HJURP: variants seen among roughly 807,000 people sequenced by gnomAD.
HJURP encodes 14-3-3-associated AKT substrate.
In HJURP, 49 loss-of-function variants were observed where a neutral mutation model predicts 72.0. That is an observed-to-expected ratio of 0.68 (90% CI 0.54 to 0.86). HJURP has a LOEUF of 0.86. Among genes scored for constraint, HJURP ranks in the 40% least tolerant of loss-of-function variants. The probability of loss-of-function intolerance (pLI) is 0.00; values close to 1 mark genes in which losing one functional copy is unlikely to be tolerated. For synonymous variants in HJURP, 357 were observed against 347.1 expected (o/e 1.03, Z -0.32); for missense variants, 908 against 936.3 (o/e 0.97, Z 0.39).
chr2:233,839,857 A>C (rs922344008), intron 8 of HJURP, among the ~76,000 whole-genome samples: 7 of 152,280 alleles, frequency 4.6e-5, no homozygotes, highest in Non-Finnish European at 8.8e-5. Context: ...GAACCGGCCA[A>C]ATCAAACCCA....
intron 7 of HJURP, 59 bp downstream of exon 7, chr2:233,844,146 A>T: frequency 1.1e-5 from 15 of 1,412,160 alleles, no homozygotes; most frequent in Non-Finnish European, 1.5e-5. Context: ...GGGGCCACGC[A>T]GCTCCAACAA....
In HJURP at chr2:233,847,458, G is replaced by C. The variant is rs1228430010; in HGVS notation, c.341C>G (p.Ser114Ter). Reference sequence around the variant, plus strand: ...CGTGGCATCGACCTCACCGCTTTTTGAATCTAAAAGTCAAACAAGTAAATC... The same window carrying C: ...CGTGGCATCGACCTCACCGCTTTTTCAATCTAAAAGTCAAACAAGTAAATC... Reference protein sequence around the residue: ...PSHRTVLGADSKSGEVDATSD... With the variant: ...PSHRTVLGAD The change falls in exon 5 of 9, where the codon TCA (serine) becomes TGA (stop). Residue 114 changes from serine to a stop codon, truncating the protein, a stop_gained. Coordinates refer to ENST00000411486, the MANE Select transcript of HJURP (RefSeq NM_018410.5). LOFTEE classifies it high-confidence loss of function. The C allele has an allele frequency of 1.9e-6, 3 of 1,613,534 alleles. No homozygotes were observed. The highest frequency in any genetic ancestry group is 3.3e-5 in the Admixed American group (2 of 60,026).
At chr2:233,838,856 C>G (rs988389866) in intron 8 of HJURP, among the ~76,000 whole-genome samples, 6 of 152,208 alleles carry the variant, frequency 3.9e-5, no homozygotes, top group African/African-American at 1.4e-4. Flanking sequence ...CTGAAAGTCA[C>G]CCGGCTGGTG....
At chr2:233,844,181 A>T (rs778067616) in intron 7 of HJURP, 24 bp downstream of exon 7, 11 of 1,607,326 alleles carry the variant, frequency 6.8e-6, no homozygotes, top group Non-Finnish European at 8.5e-6. Context: ...CGCACTGTTC[A>T]TACAGTTTCT....
chr2:233,842,261 G>A, intron 7 of HJURP, 56 bp from the exon 8 acceptor site: 22 of 1,420,222 alleles, frequency 1.5e-5, no homozygotes, highest in East Asian at 2.3e-5. Flanking sequence ...AACCATCCAT[G>A]TGCACAGATG....
chr2:233,848,192 G>C (rs926151381), intron 4 of HJURP, among the ~76,000 whole-genome samples: 1 of 152,054 alleles, frequency 6.6e-6, no homozygotes, highest in Non-Finnish European at 1.5e-5. Context: ...CAGAGGCTGC[G>C]GAAGGCCAGT....
chr2:233,847,674 G>A (rs1349940009), intron 4 of HJURP, among the ~76,000 whole-genome samples: 1 of 152,176 alleles, frequency 6.6e-6, no homozygotes, highest in Non-Finnish European at 1.5e-5. Context: ...CATGGAGTGA[G>A]GAAAGGCAGA....
intron 2 of HJURP, 21 bp downstream of exon 2, chr2:233,853,823 G>A: frequency 2.5e-6 from 4 of 1,601,374 alleles, no homozygotes; most frequent in Non-Finnish European, 3.4e-6. Flanking sequence ...CGAATACTCA[G>A]AAGGTGGGGA....
Position 233,837,319 on chromosome 2 carries a change from A to ACC in HJURP, c.*256_*257dup, listed in dbSNP as rs1405223769. On this transcript the variant is annotated 3_prime_UTR_variant, in exon 9 of 9. Transcript: ENST00000411486. ...AAACAAACAAACAAACAAACAAATA[A>ACC]CCCCCCCCCAAAAAAAACACACACA... The ACC allele has an allele frequency of 1.1e-3, 314 of 276,590 alleles. No individual in the cohort carries two copies. Among genetic ancestry groups the ACC allele is most frequent in the African/African-American group, 7.4e-3 (272 of 36,564 alleles). The allele number at this position is 276,590 out of a possible 1,614,324, so 17.1% of individuals were successfully genotyped here. A position where few individuals can be genotyped will look rare whatever the true frequency, so the allele number is the denominator to read the frequency against.
At chr2:233,850,666 A>C (rs1705476083) in intron 3 of HJURP, among the ~76,000 whole-genome samples, 1 of 152,242 alleles carries the variant, frequency 6.6e-6, no homozygotes, top group Non-Finnish European at 1.5e-5. Context: ...GGAGCACTAC[A>C]GGGTAACTGA....
intron 2 of HJURP, 148 bp downstream of exon 2, chr2:233,853,696 A>T: frequency 1.7e-6 from 1 of 587,922 alleles, no homozygotes; most frequent in South Asian, 2.9e-5. Flanking sequence ...TAAGTAATTC[A>T]AGTAATTTAC....
intron 1 of HJURP, 43 bp downstream of exon 1, chr2:233,854,341 G>C: frequency 2.1e-6 from 3 of 1,426,792 alleles, no homozygotes; most frequent in Non-Finnish European, 2.9e-6. Flanking sequence ...GCCTCACTCC[G>C]ACACGCAGGC....
At chr2:233,844,637 T>A (rs1274752867) in intron 6 of HJURP, among the ~76,000 whole-genome samples, 3 of 152,158 alleles carry the variant, frequency 2.0e-5, no homozygotes, top group Admixed American at 2.0e-4. Context: ...ACCCAGTAGA[T>A]CCGTTCGTTC....
chr2:233,847,995 G>A lies in HJURP; in HGVS notation c.338-534C>T, dbSNP rs78712204. Among the ~76,000 whole-genome samples, 893 of 152,232 alleles carry A rather than the reference G, an allele frequency of 5.9e-3. 4 individuals are homozygous for A. The highest frequency in any genetic ancestry group is 9.6e-3 in the Non-Finnish European group (654 of 68,014). On this transcript the variant is annotated intron_variant, in intron 4 of 8. Coordinates refer to ENST00000411486, the MANE Select transcript of HJURP (RefSeq NM_018410.5). The stretch of plus-strand genomic sequence containing the variant: ...TTTCAAGCGGTTGGGGAAATTCATG[G>A]ACCTAAGGATTTATAGTTAAAATCT...
chr2:233,851,578 T>A (rs962371858), intron 3 of HJURP, among the ~76,000 whole-genome samples: 9 of 152,242 alleles, frequency 5.9e-5, no homozygotes, highest in East Asian at 3.9e-4. Flanking sequence ...CATGATTTTT[T>A]AAATAATTAT....
chr2:233,852,699 CA>C, intron 2 of HJURP, 79 bp from the exon 3 acceptor site: 1 of 1,040,482 alleles, frequency 9.6e-7, no homozygotes, highest in Admixed American at 1.9e-5. Context: ...CACCAGATGC[CA>C]AAGTGACAGG....
intron 7 of HJURP, among the ~76,000 whole-genome samples, chr2:233,843,119 G>A (rs1021539380): frequency 6.6e-6 from 1 of 152,098 alleles, no homozygotes; most frequent in South Asian, 2.1e-4. Context: ...AGCATGAGAG[G>A]GAACTACAGG....
At position 233,841,574 on chromosome 2, in the gene HJURP, A is replaced by G. The variant is rs558992873; in HGVS notation, c.1206T>C (p.Asn402=). 3.5e-5 allele frequency: 57 copies of G among 1,614,060 alleles called. No homozygotes were observed. In the South Asian group the frequency reaches 5.8e-4, roughly 16 times the overall value. Residue 402 remains asparagine (N), a synonymous_variant, in exon 8 of 9, where the codon AAT becomes AAC. Coordinates refer to ENST00000411486, the MANE Select transcript of HJURP (RefSeq NM_018410.5). The stretch of plus-strand genomic sequence containing the variant: ...TTAACCATTTTAATGTCCTAAATCT[A>G]TTTTCCTCATCAAGATTATATGTTG... ...SSATYNLDEE[N]RFRTLKWLIS...
chr2:233,839,267 C>T (rs980224051), intron 8 of HJURP, among the ~76,000 whole-genome samples: 3 of 152,248 alleles, frequency 2.0e-5, no homozygotes, highest in African/African-American at 7.2e-5. Context: ...CTCCCCACTG[C>T]AGCACCCACC....
Sources: gnomAD v4.1 joint callset for allele counts (sites outside exome capture counted in the v4.1 genomes callset) on GRCh38, gnomAD v4.1.1 for gene constraint, MANE v1.5 for transcripts, NCBI Gene and HGNC (gene_info 2026-07-23, HGNC 2026-07-21) for gene names.